The following BLZF1 variants were observed in gnomAD, a reference collection of about 807,000 sequenced individuals.
BLZF1 encodes golgin-45.
A neutral mutation model predicts 43.8 loss-of-function variants in BLZF1; 39 were observed. The observed-to-expected ratio is 0.89, with a 90% CI of 0.69 to 1.16. The LOEUF is 1.16. BLZF1 is among the 50% of genes most tolerant of loss of function. The pLI is 0.00. For missense variants in BLZF1, 449 were observed against 469.8 expected (o/e 0.96, Z 0.41); for synonymous variants, 136 against 159.4 (o/e 0.85, Z 1.11).
chr1:169,395,930 AACTT>A (rs753495922), exon 8 of BLZF1: 4 of 152,044 alleles, frequency 2.6e-5, no homozygotes, highest in Non-Finnish European at 4.4e-5. Context: ...AAAAAAAAGA[AACTT>A]ACTAAATATC....
intron 5 of BLZF1, 33 bp from the exon 6 acceptor site, chr1:169,382,025 TCTTA>T: frequency 2.6e-6 from 4 of 1,509,680 alleles, no homozygotes; most frequent in Non-Finnish European, 3.6e-6. Context: ...CATTTTGCTC[TCTTA>T]CTATGTCCGG....
At chr1:169,384,245 G>A (rs72702188) in intron 6 of BLZF1, among the ~76,000 whole-genome samples, 17,917 of 151,998 alleles carry the variant, frequency 0.12, 1,108 homozygotes, top group Admixed American at 0.14. Context: ...GGTAGCTATC[G>A]TTTTTACTAT....
chr1:169,379,979 AT>A (rs924012806), intron 4 of BLZF1, among the ~76,000 whole-genome samples: 4 of 151,404 alleles, frequency 2.6e-5, no homozygotes, highest in Non-Finnish European at 4.4e-5. Flanking sequence ...ATATACATAA[AT>A]TTTTTTTTGA....
downstream of BLZF1, chr1:169,388,312 C>A (rs927976096): frequency 1.1e-4 from 16 of 152,234 alleles, no homozygotes; most frequent in African/African-American, 3.6e-4. Context: ...TTTATTGCGA[C>A]TATTCCTTTT....
At chr1:169,385,737 G>GT (rs1654647641) in intron 6 of BLZF1, among the ~76,000 whole-genome samples, 1 of 152,092 alleles carries the variant, frequency 6.6e-6, no homozygotes, top group Non-Finnish European at 1.5e-5. Flanking sequence ...AGGTGCTAAA[G>GT]TAAGTTGATG....
At position 169,376,830 on chromosome 1, in the gene BLZF1, G is replaced by A. The variant is rs1654366839; in HGVS notation, c.319G>A (p.Gly107Arg). 1 of 1,613,268 alleles carries A rather than the reference G, an allele frequency of 6.2e-7. No individual in the cohort carries two copies. The highest frequency in any genetic ancestry group is 1.7e-5 in the Admixed American group (1 of 59,896). The change falls in exon 3 of 7, where the codon GGA becomes AGA. Residue 107 changes from glycine to arginine, a missense_variant. Physicochemically the swap from Gly to Arg is moderately radical, Grantham distance 125. Transcript: ENST00000367808. Reference sequence around the variant, plus strand: ...GGTTAAGTCTCTGGGACATCATAAAGGAGAATTCCTTGGTCAGTCAGAGGG... The same window carrying A: ...GGTTAAGTCTCTGGGACATCATAAAAGAGAATTCCTTGGTCAGTCAGAGGG... ...TKVKSLGHHKGEFLGQSEGVI... is the reference protein window; with the variant it reads ...TKVKSLGHHKREFLGQSEGVI...
At chr1:169,373,348 G>T (rs1003090650) in intron 2 of BLZF1, among the ~76,000 whole-genome samples, 4 of 152,154 alleles carry the variant, frequency 2.6e-5, no homozygotes, top group Admixed American at 2.0e-4. Flanking sequence ...CTTGACTTAA[G>T]CGTTACTCAT....
chr1:169,383,055 G>A (rs983915442), intron 6 of BLZF1, among the ~76,000 whole-genome samples: 4 of 151,950 alleles, frequency 2.6e-5, no homozygotes, highest in African/African-American at 7.3e-5. Flanking sequence ...CTATTCATAA[G>A]TGCCTTACTG....
rs367989592 is a variant in BLZF1 at position 169,395,097 on chromosome 1, G to A, written c.*28-797G>A. 19 of 1,613,182 alleles carry A rather than the reference G, an allele frequency of 1.2e-5. No homozygotes were observed. The African/African-American group carries it at 2.5e-4, about 22-fold the overall frequency. Reference sequence around the variant, plus strand: ...AAAGGTTTGGCTTCTGACATATATAGGTGGTGCTGTAACTGTTTAGAACGC... The same window carrying A: ...AAAGGTTTGGCTTCTGACATATATAAGTGGTGCTGTAACTGTTTAGAACGC... On this transcript the variant is annotated intron_variant, in intron 7 of 7. Coordinates refer to the BLZF1 transcript ENST00000329281.
chr1:169,381,837 CTGTT>C (rs1187390933), intron 5 of BLZF1, among the ~76,000 whole-genome samples: 1 of 152,112 alleles, frequency 6.6e-6, no homozygotes, highest in African/African-American at 2.4e-5. Flanking sequence ...AAGAAAAGTA[CTGTT>C]TGTTAAATGA....
intron 2 of BLZF1, among the ~76,000 whole-genome samples, chr1:169,373,179 A>T (rs1654182237): frequency 6.6e-6 from 1 of 152,070 alleles, no homozygotes; most frequent in Admixed American, 6.6e-5. Flanking sequence ...CTTTCCCTAC[A>T]TTTCACCAAT....
At chr1:169,370,786 G>T (rs1654094410) in intron 2 of BLZF1, among the ~76,000 whole-genome samples, 1 of 151,940 alleles carries the variant, frequency 6.6e-6, no homozygotes, top group Non-Finnish European at 1.5e-5. Context: ...CATGACTTCA[G>T]TAATTATCTA....
In BLZF1 at chr1:169,380,491, G is replaced by C; in HGVS notation, c.679G>C (p.Asp227His). 6.2e-7 allele frequency: 1 copy of C among 1,611,146 alleles called. No homozygotes were observed. Among genetic ancestry groups the C allele is most frequent in the African/African-American group, 1.3e-5 (1 of 74,934 alleles). Residue 227 changes from aspartate (D) to histidine (H), a missense_variant, in exon 5 of 7, where the codon GAT (aspartate) becomes CAT (histidine). By Grantham distance (81) the Asp-to-His change is moderately conservative. Transcript: ENST00000367808. ...SKFLASRVMADELTNSRAALQ... is the reference protein window; with the variant it reads ...SKFLASRVMAHELTNSRAALQ... ...TTTAATCTTTTTCAGGGTAATGGCA[G>C]ATGAGTTAACCAACTCAAGAGCAGC...
chr1:169,381,994 A>G (rs1654539941), intron 5 of BLZF1, 68 bp from the exon 6 acceptor site: 5 of 1,126,140 alleles, frequency 4.4e-6, no homozygotes, highest in African/African-American at 1.6e-5. Flanking sequence ...TGTATTACCT[A>G]TTTACTATTA....
rs780747450 is a variant in BLZF1 at position 169,382,235 on chromosome 1, C to T, written c.971C>T (p.Ser324Leu). 1.9e-6 allele frequency: 3 copies of T among 1,613,638 alleles called. No homozygotes were observed. The highest frequency in any genetic ancestry group is 1.3e-5 in the African/African-American group (1 of 74,896). Residue 324 changes from serine (S) to leucine (L), a missense_variant, in exon 6 of 7, where the codon TCA becomes TTA. Physicochemically the swap from Ser to Leu is moderately radical, Grantham distance 145 (BLOSUM62 -2). Transcript: ENST00000367808. ...ATTAACAATCAAAAAAAGATTCCAT[C>T]AACAGTTGAATTCTGCAGCACCCCA... ...VGINNQKKIP[S>L]TVEFCSTPAE...
chr1:169,381,864 A>C (rs1239762392), intron 5 of BLZF1, among the ~76,000 whole-genome samples, 198 bp from the exon 6 acceptor site: 1 of 152,184 alleles, frequency 6.6e-6, no homozygotes, highest in Non-Finnish European at 1.5e-5. Flanking sequence ...TTCATACAAC[A>C]ACCTAGTAGA....
Position 169,369,275 on chromosome 1 carries a change from A to G in BLZF1, c.-50-198A>G, listed in dbSNP as rs1571430470. 3.8e-5 allele frequency among the ~76,000 whole-genome samples: 4 copies of G among 104,220 alleles called. No homozygotes were observed. The South Asian group carries it at 1.0e-3, about 27-fold the overall frequency. The allele number at this position is 104,220 out of a possible 152,430, so 68.4% of individuals were successfully genotyped here. Reference sequence around the variant, plus strand: ...GAAACGGAGTATTTAGAAGTAAACCACCCCTAATTTTTTTTTTTGAGACTT... The same window carrying G: ...GAAACGGAGTATTTAGAAGTAAACCGCCCCTAATTTTTTTTTTTGAGACTT... On this transcript the variant is annotated intron_variant, in intron 1 of 6. Transcript: ENST00000367808.
Position 169,376,842 on chromosome 1 carries a change from G to A in BLZF1, c.331G>A (p.Gly111Ser), listed in dbSNP as rs1557847648. 1 of 1,613,276 alleles carries A rather than the reference G, an allele frequency of 6.2e-7. No homozygotes were observed. Among genetic ancestry groups the A allele is most frequent in the Admixed American group, 1.7e-5 (1 of 59,902 alleles). ...GGGACATCATAAAGGAGAATTCCTT[G>A]GTCAGTCAGAGGGAGTTATAGAACC... ...SLGHHKGEFL[G>S]QSEGVIEPNK... The change falls in exon 3 of 7, where the codon GGT becomes AGT. Residue 111 changes from glycine (G) to serine (S), a missense_variant. Gly to Ser is a moderately conservative substitution (Grantham distance 56). Coordinates refer to ENST00000367808, the MANE Select transcript of BLZF1 (RefSeq NM_001320973.2).
rs1654715552 is a variant in BLZF1, at chr1:169,387,710, G to A, written c.*528G>A. 1 of 152,364 alleles carries A rather than the reference G, an allele frequency of 6.6e-6. No individual in the cohort carries two copies. Among genetic ancestry groups the A allele is most frequent in the East Asian group, 1.9e-4 (1 of 5,186 alleles). The allele number at this position is 152,364 out of a possible 1,614,324, so 9.4% of individuals were successfully genotyped here. A position where few individuals can be genotyped will look rare whatever the true frequency, so the allele number is the denominator to read the frequency against. ...CTAAAGTAATTGTAGTAGGGAGCTG[G>A]AGGACTTTCTTTCCCTTTATGGTAA... On this transcript the variant is annotated 3_prime_UTR_variant, in exon 7 of 7. Transcript: ENST00000367808.
Sources: allele counts gnomAD v4.1 joint callset (sites outside exome capture counted in the v4.1 genomes callset), GRCh38; gene constraint gnomAD v4.1.1; transcripts MANE v1.5; gene names NCBI Gene and HGNC (gene_info 2026-07-23, HGNC 2026-07-21).